Variants in SEMA3A observed in about 807,000 individuals in gnomAD.
SEMA3A encodes semaphorin-3A.
SEMA3A carries 29 observed loss-of-function variants against 97.9 expected under a neutral mutation model. The ratio of observed to expected loss-of-function variants is 0.30; its 90% CI spans 0.22 to 0.40. The LOEUF is 0.40. Among genes scored for constraint, SEMA3A ranks in the 10% least tolerant of loss-of-function variants. The pLI, the probability that SEMA3A is intolerant of heterozygous loss-of-function variation, is 1.00. For missense variants in SEMA3A, 763 were observed against 951.3 expected, an observed-to-expected ratio of 0.80 and a Z score of 2.60; for synonymous variants, 321 against 323.7, an observed-to-expected ratio of 0.99 and a Z score of 0.09.
At chr7:84,292,605 A>G (rs1484625567) in intron 3 of SEMA3A, among the ~76,000 whole-genome samples, 1 of 152,018 alleles carries the variant, frequency 6.6e-6, no homozygotes, top group Non-Finnish European at 1.5e-5. Context: ...CTACGTAAAA[A>G]TCTGTAGGAG....
intron 4 of SEMA3A, among the ~76,000 whole-genome samples, chr7:84,064,128 GA>G (rs1793379031): frequency 6.6e-6 from 1 of 152,132 alleles, no homozygotes; most frequent in African/African-American, 2.4e-5. Flanking sequence ...CATTCTTAAA[GA>G]AAAGAATTTT....
intron 4 of SEMA3A, among the ~76,000 whole-genome samples, chr7:84,086,265 T>C (rs1249435893): frequency 3.9e-5 from 6 of 151,904 alleles, no homozygotes; most frequent in Non-Finnish European, 8.8e-5. Flanking sequence ...CTGGGTCCTG[T>C]GCTCGTTCCT....
intron 2 of SEMA3A, among the ~76,000 whole-genome samples, chr7:84,311,933 T>C (rs1195414591): frequency 6.6e-6 from 1 of 151,908 alleles, no homozygotes; most frequent in Non-Finnish European, 1.5e-5. Context: ...CCCATAATGC[T>C]TAATATTGGG....
intron 1 of SEMA3A, among the ~76,000 whole-genome samples, chr7:84,461,696 T>A (rs1440516545): frequency 1.3e-5 from 2 of 152,118 alleles, no homozygotes; most frequent in Non-Finnish European, 2.9e-5. Flanking sequence ...GAATACATAA[T>A]CTATTACTGT....
At chr7:84,340,838 C>T (rs1036703359) in intron 2 of SEMA3A, among the ~76,000 whole-genome samples, 1 of 149,832 alleles carries the variant, frequency 6.7e-6, no homozygotes, top group Non-Finnish European at 1.5e-5. Flanking sequence ...TCAAAGTATA[C>T]ATATATACCT....
At chr7:84,005,192 G>T (rs1328673692) in intron 11 of SEMA3A, 147 bp downstream of exon 11, 9 of 624,906 alleles carry the variant, frequency 1.4e-5, no homozygotes, top group Non-Finnish European at 2.3e-5. Context: ...TAGTAGTTAA[G>T]TTTTGGGGAA....
chr7:84,191,499 CT>C (rs1307416426), intron 1 of SEMA3A, among the ~76,000 whole-genome samples: 3 of 151,734 alleles, frequency 2.0e-5, no homozygotes, highest in Non-Finnish European at 4.4e-5. Flanking sequence ...TAATTATTTT[CT>C]TGTGATTCAT....
chr7:84,250,170 T>C (rs1486786956), intron 3 of SEMA3A, among the ~76,000 whole-genome samples: 1 of 151,890 alleles, frequency 6.6e-6, no homozygotes, highest in African/African-American at 2.4e-5. Context: ...TATAGAAACA[T>C]ATAATTAGGC....
At chr7:84,117,912 G>A (rs1795483867) in intron 3 of SEMA3A, among the ~76,000 whole-genome samples, 2 of 152,168 alleles carry the variant, frequency 1.3e-5, no homozygotes, top group African/African-American at 4.8e-5. Flanking sequence ...TACTTAACAT[G>A]ATGACTAGCG....
intron 1 of SEMA3A, among the ~76,000 whole-genome samples, chr7:84,397,358 A>C (rs1386307070): frequency 6.7e-6 from 1 of 149,994 alleles, no homozygotes; most frequent in East Asian, 1.9e-4. Flanking sequence ...TGTTTCTCAA[A>C]TCTATGCATT....
intron 1 of SEMA3A, among the ~76,000 whole-genome samples, chr7:84,432,940 G>C (rs540195355): frequency 5.5e-4 from 82 of 150,312 alleles, no homozygotes; most frequent in African/African-American, 1.9e-3. Flanking sequence ...TTGAATGGTA[G>C]TTCTGCTTTA....
At chr7:84,386,013 G>A (rs1253645019) in intron 1 of SEMA3A, among the ~76,000 whole-genome samples, 1 of 152,086 alleles carries the variant, frequency 6.6e-6, no homozygotes. Context: ...TCAAGTACAT[G>A]ATCTGCTGCT....
intron 4 of SEMA3A, among the ~76,000 whole-genome samples, chr7:84,074,145 A>G (rs1450216073): frequency 6.6e-6 from 1 of 152,166 alleles, no homozygotes; most frequent in Non-Finnish European, 1.5e-5. Flanking sequence ...ACTTATTTTT[A>G]TAAATTAAAT....
intron 2 of SEMA3A, among the ~76,000 whole-genome samples, chr7:84,371,480 G>C (rs964641841): frequency 2.6e-5 from 4 of 151,520 alleles, no homozygotes; most frequent in Non-Finnish European, 5.9e-5. Flanking sequence ...AAAGCATTTA[G>C]GTCTTAATTG....
At chr7:84,486,270 C>G (rs1342487846) in intron 1 of SEMA3A, among the ~76,000 whole-genome samples, 1 of 152,154 alleles carries the variant, frequency 6.6e-6, no homozygotes, top group East Asian at 1.9e-4. Context: ...TGCCTGTAAT[C>G]TCAGCTACTT....
intron 2 of SEMA3A, among the ~76,000 whole-genome samples, chr7:84,342,591 G>A (rs897229285): frequency 3.9e-5 from 6 of 152,104 alleles, no homozygotes; most frequent in African/African-American, 9.7e-5. Flanking sequence ...GTGTGCACAC[G>A]TGTGTTTGTG....
At chr7:83,984,125 A>G (rs545215969) in intron 13 of SEMA3A, among the ~76,000 whole-genome samples, 3 of 152,274 alleles carry the variant, frequency 2.0e-5, no homozygotes, top group African/African-American at 7.2e-5. Flanking sequence ...ACAGAAAGAA[A>G]TGGTTTACAA....
rs371140074 is a variant in SEMA3A, at chr7:84,260,075, G to C, written c.-83+47132C>G. Reference sequence around the variant, plus strand: ...CAAACAGAATGATGCTTAGCATTTAGTTGGTAGTAAATAAATACTTGCTGA... The same window carrying C: ...CAAACAGAATGATGCTTAGCATTTACTTGGTAGTAAATAAATACTTGCTGA... On this transcript the variant is annotated intron_variant, in intron 3 of 3. Transcript: ENST00000424555. Among the ~76,000 whole-genome samples the C allele has an allele frequency of 5.3e-5, 8 of 152,236 alleles. No homozygotes were observed. The South Asian group carries it at 1.4e-3, about 28-fold the overall frequency.
intron 14 of SEMA3A, 70 bp from the exon 15 acceptor site, chr7:83,977,266 T>C (rs1789188836): frequency 1.3e-6 from 1 of 795,986 alleles, no homozygotes. Flanking sequence ...GTCATAAGAA[T>C]GAAGAGAAAT....
Sources: gnomAD v4.1 joint callset for allele counts (sites outside exome capture counted in the v4.1 genomes callset) on GRCh38, gnomAD v4.1.1 for gene constraint, MANE v1.5 for transcripts, NCBI Gene and HGNC (gene_info 2026-07-23, HGNC 2026-07-21) for gene names.